The following RPTOR variants were observed in gnomAD, a reference collection of about 807,000 sequenced individuals.
RPTOR encodes the protein regulatory associated protein of MTOR complex 1.
RPTOR carries 21 observed loss-of-function variants against 169.9 expected under a neutral mutation model. The observed-to-expected ratio is 0.12, with a 90% CI of 0.09 to 0.18. The LOEUF is 0.18. RPTOR is among the 10% of genes least tolerant of loss of function. The pLI is 1.00. For missense variants in RPTOR, 1,133 were observed against 1,855.9 expected (o/e 0.61, Z 7.16); for synonymous variants, 732 against 753.2 (o/e 0.97, Z 0.46).
chr17:80,961,738 G>A (rs879005023), intron 31 of RPTOR: 35 of 449,924 alleles, frequency 7.8e-5, no homozygotes, highest in East Asian at 6.5e-4. Flanking sequence ...GGAGGGTTCC[G>A]GGGGGAGTTG....
chr17:80,552,642 A>G (rs1283886217), intron 1 of RPTOR, among the ~76,000 whole-genome samples: 2 of 152,222 alleles, frequency 1.3e-5, no homozygotes, highest in Non-Finnish European at 2.9e-5. Flanking sequence ...AGGCTTCCAC[A>G]TACATTATCT....
At chr17:80,850,173 G>A (rs1393971754) in intron 11 of RPTOR, among the ~76,000 whole-genome samples, 5 of 152,146 alleles carry the variant, frequency 3.3e-5, no homozygotes, top group Non-Finnish European at 5.9e-5. Context: ...CACATAGTGG[G>A]CATTATACCC....
intron 9 of RPTOR, among the ~76,000 whole-genome samples, chr17:80,836,079 C>T (rs539628272): frequency 4.0e-4 from 61 of 152,240 alleles, no homozygotes; most frequent in Non-Finnish European, 3.5e-4. Context: ...GCCACGCGCC[C>T]AGAGCCCCAG....
intron 28 of RPTOR, among the ~76,000 whole-genome samples, chr17:80,953,823 C>A (rs558318812): frequency 2.2e-4 from 34 of 152,306 alleles, no homozygotes; most frequent in African/African-American, 7.9e-4. Flanking sequence ...ATGTGCCCTC[C>A]CGCCCGGTTG....
At chr17:80,952,855 CTTTTTTTTT>C (rs139746545) in intron 28 of RPTOR, among the ~76,000 whole-genome samples, 1 of 98,082 alleles carries the variant, frequency 1.0e-5, no homozygotes, top group African/African-American at 5.0e-5. Flanking sequence ...TTCTTTTCTT[CTTTTTTTTT>C]TTTTTTTTTT....
chr17:80,801,212 G>C (rs546823567), intron 7 of RPTOR, among the ~76,000 whole-genome samples: 18 of 152,298 alleles, frequency 1.2e-4, no homozygotes, highest in African/African-American at 3.4e-4. Flanking sequence ...GATAGTGACC[G>C]TAGGAAGCAT....
At chr17:80,645,352 C>A (rs923992520) in intron 3 of RPTOR, among the ~76,000 whole-genome samples, 4 of 152,106 alleles carry the variant, frequency 2.6e-5, no homozygotes, top group Non-Finnish European at 5.9e-5. Flanking sequence ...TGTACCTTTG[C>A]GTTTTACTAG....
At chr17:80,592,435 G>A (rs757971282) in intron 1 of RPTOR, among the ~76,000 whole-genome samples, 5 of 152,174 alleles carry the variant, frequency 3.3e-5, no homozygotes, top group Non-Finnish European at 5.9e-5. Flanking sequence ...GCAAGACGCT[G>A]GAGGCTTGCC....
chr17:80,710,890 C>G (rs1168260737), intron 4 of RPTOR, among the ~76,000 whole-genome samples: 1 of 152,146 alleles, frequency 6.6e-6, no homozygotes, highest in Non-Finnish European at 1.5e-5. Flanking sequence ...GAGGAATGTT[C>G]CTTCTTTGTA....
intron 6 of RPTOR, among the ~76,000 whole-genome samples, chr17:80,763,039 C>A (rs1297110121): frequency 6.6e-6 from 1 of 152,048 alleles, no homozygotes; most frequent in Non-Finnish European, 1.5e-5. Context: ...AGATTTAAAG[C>A]AAAACGTTTA....
intron 1 of RPTOR, among the ~76,000 whole-genome samples, chr17:80,570,240 T>C (rs1291976755): frequency 6.6e-6 from 1 of 152,168 alleles, no homozygotes; most frequent in Non-Finnish European, 1.5e-5. Flanking sequence ...CGTTGTTCAA[T>C]GCCTGAAGAA....
intron 9 of RPTOR, among the ~76,000 whole-genome samples, chr17:80,826,264 T>C (rs1048721427): frequency 6.6e-6 from 1 of 152,148 alleles, no homozygotes; most frequent in Non-Finnish European, 1.5e-5. Context: ...CCCAGCCCCA[T>C]TTTGATGGGG....
At chr17:80,631,955 TTCTCA>T (rs2065445644) in intron 2 of RPTOR, among the ~76,000 whole-genome samples, 1 of 152,170 alleles carries the variant, frequency 6.6e-6, no homozygotes, top group Non-Finnish European at 1.5e-5. Flanking sequence ...CCCCAAATTC[TTCTCA>T]TCTAAATCTC....
intron 1 of RPTOR, among the ~76,000 whole-genome samples, chr17:80,555,761 C>T (rs2084400134): frequency 6.6e-6 from 1 of 152,176 alleles, no homozygotes; most frequent in African/African-American, 2.4e-5. Flanking sequence ...CTCCCAGCAG[C>T]CAGTGACTTC....
intron 1 of RPTOR, among the ~76,000 whole-genome samples, chr17:80,579,620 C>T (rs1417764373): frequency 2.6e-5 from 4 of 152,214 alleles, no homozygotes; most frequent in Middle Eastern, 3.2e-3. Context: ...CTCCCAGAGG[C>T]GGGAGCCTTA....
intron 22 of RPTOR, 121 bp downstream of exon 22, chr17:80,922,948 T>TC (rs1297253875): frequency 9.0e-6 from 7 of 782,050 alleles, no homozygotes; most frequent in Non-Finnish European, 1.2e-5. Flanking sequence ...CTTCGTCTCC[T>TC]CCCCCCTCTC....
chr17:80,799,364 G>A (rs2067132864), intron 7 of RPTOR, among the ~76,000 whole-genome samples: 1 of 152,208 alleles, frequency 6.6e-6, no homozygotes, highest in Non-Finnish European at 1.5e-5. Context: ...GGAACAGATC[G>A]TGTGGATGTG....
At chr17:80,731,258 T>C (rs2066390667) in intron 5 of RPTOR, among the ~76,000 whole-genome samples, 1 of 152,194 alleles carries the variant, frequency 6.6e-6, no homozygotes, top group South Asian at 2.1e-4. Context: ...ATAACATTCA[T>C]AGGGTCGATT....
chr17:80,733,320 T>C (rs2066407483), intron 5 of RPTOR, among the ~76,000 whole-genome samples: 1 of 152,264 alleles, frequency 6.6e-6, no homozygotes, highest in African/African-American at 2.4e-5. Context: ...TTAAGGATAA[T>C]ATTCAAGTCT....
Sources: gnomAD v4.1 joint callset for allele counts (sites outside exome capture counted in the v4.1 genomes callset) on GRCh38, gnomAD v4.1.1 for gene constraint, MANE v1.5 for transcripts, NCBI Gene and HGNC (gene_info 2026-07-23, HGNC 2026-07-21) for gene names.